AKT3: variants seen among roughly 807,000 people sequenced by gnomAD.
The protein encoded by AKT3 is AKT serine/threonine kinase 3.
Under a neutral mutation model 65.3 loss-of-function variants are expected in AKT3, and 15 were observed. The observed-to-expected ratio is 0.23, with a 90% CI of 0.15 to 0.35. The LOEUF is 0.35. Among genes scored for constraint, AKT3 ranks in the 10% least tolerant of loss-of-function variants. AKT3 has a pLI of 1.00. For synonymous variants in AKT3, 206 were observed against 183.8 expected (o/e 1.12, Z -0.98); for missense variants, 243 against 576.5 (o/e 0.42, Z 5.92).
chr1:243,847,630 C>G (rs1695574643), intron 1 of AKT3, among the ~76,000 whole-genome samples: 1 of 152,126 alleles, frequency 6.6e-6, no homozygotes, highest in African/African-American at 2.4e-5. Context: ...CCACAAGTCT[C>G]TATGCTAAGT....
upstream of AKT3, among the ~76,000 whole-genome samples, chr1:243,850,584 C>T (rs1695739748): frequency 1.3e-5 from 2 of 151,302 alleles, no homozygotes; most frequent in Admixed American, 1.3e-4. Context: ...GGGCCGCCGC[C>T]GATCGGTTCT....
intron 2 of AKT3, among the ~76,000 whole-genome samples, chr1:243,717,760 C>G (rs1204613538): frequency 6.6e-6 from 1 of 151,978 alleles, no homozygotes; most frequent in Non-Finnish European, 1.5e-5. Flanking sequence ...CTTTTAACAC[C>G]AAGATTCTAG....
chr1:243,700,770 G>T (rs527935933), intron 2 of AKT3, among the ~76,000 whole-genome samples: 57 of 152,254 alleles, frequency 3.7e-4, no homozygotes, highest in African/African-American at 1.3e-3. Context: ...CCAAAGTGGT[G>T]GGATTACAGG....
At chr1:243,805,943 T>G (rs1453833616) in intron 2 of AKT3, among the ~76,000 whole-genome samples, 1 of 152,198 alleles carries the variant, frequency 6.6e-6, no homozygotes, top group Non-Finnish European at 1.5e-5. Context: ...ATAACCATTT[T>G]CCTTCCCAAA....
chr1:243,689,560 T>G (rs974110091), intron 3 of AKT3, among the ~76,000 whole-genome samples: 1 of 151,428 alleles, frequency 6.6e-6, no homozygotes, highest in Non-Finnish European at 1.5e-5. Flanking sequence ...TCCTTCCACC[T>G]TAGCCACCCA....
intron 8 of AKT3, among the ~76,000 whole-genome samples, chr1:243,584,742 C>T: frequency 6.6e-6 from 1 of 152,044 alleles, no homozygotes; most frequent in Admixed American, 6.6e-5. Context: ...ATCAAAGGAA[C>T]ATACCTGAAA....
At chr1:243,647,703 A>G (rs1450131460) in intron 4 of AKT3, among the ~76,000 whole-genome samples, 2 of 152,188 alleles carry the variant, frequency 1.3e-5, no homozygotes, top group Non-Finnish European at 2.9e-5. Flanking sequence ...TGCAAACAAG[A>G]GCAGCTTTAC....
chr1:243,754,836 C>T (rs1689027209), intron 2 of AKT3, among the ~76,000 whole-genome samples: 1 of 152,166 alleles, frequency 6.6e-6, no homozygotes, highest in African/African-American at 2.4e-5. Context: ...CTGGAGACAG[C>T]TGACCTCACG....
At chr1:243,806,784 T>C (rs912684112) in intron 2 of AKT3, among the ~76,000 whole-genome samples, 14 of 152,208 alleles carry the variant, frequency 9.2e-5, no homozygotes, top group African/African-American at 3.1e-4. Context: ...AAGGAAAATA[T>C]GCATACATGG....
At position 243,844,647 on chromosome 1, in the gene AKT3, A is replaced by T. The variant is rs146921811; in HGVS notation, c.-112-1365T>A. The stretch of plus-strand genomic sequence containing the variant: ...GCATCACCATGCCTAGCTAATTTTT[A>T]AAAAAAATTTTTGTGGAGATGGGGT... On this transcript the variant is annotated intron_variant, in intron 1 of 13. Transcript: ENST00000673466. Among the ~76,000 whole-genome samples, 796 of 152,162 alleles carry T rather than the reference A, an allele frequency of 5.2e-3. 10 individuals carry two copies. Among genetic ancestry groups the T allele is most frequent in the African/African-American group, 0.018 (748 of 41,502 alleles).
intron 2 of AKT3, chr1:243,814,863 A>T (rs1040365245): frequency 6.6e-6 from 1 of 152,248 alleles, no homozygotes; most frequent in African/African-American, 2.4e-5. Context: ...ACTCCTGTTC[A>T]AACAAAGGAC....
intron 2 of AKT3, among the ~76,000 whole-genome samples, chr1:243,802,327 C>T (rs1415319947): frequency 6.6e-6 from 1 of 152,082 alleles, no homozygotes; most frequent in Non-Finnish European, 1.5e-5. Context: ...CAAACGAAAC[C>T]ATGACAGGCA....
intron 4 of AKT3, among the ~76,000 whole-genome samples, chr1:243,659,411 T>C (rs1048664468): frequency 6.6e-6 from 1 of 152,224 alleles, no homozygotes; most frequent in African/African-American, 2.4e-5. Context: ...TTTCACATTA[T>C]GTAATTTTTA....
At chr1:243,738,216 A>G (rs1687950917) in intron 2 of AKT3, among the ~76,000 whole-genome samples, 1 of 152,210 alleles carries the variant, frequency 6.6e-6, no homozygotes, top group Non-Finnish European at 1.5e-5. Context: ...GGCTTTGTCT[A>G]AATCCTAAAG....
intron 2 of AKT3, chr1:243,814,686 C>T (rs993590012): frequency 6.6e-6 from 1 of 152,220 alleles, no homozygotes; most frequent in African/African-American, 2.4e-5. Context: ...TATCAGCCTC[C>T]CAAATTCAAC....
At chr1:243,771,582 C>T (rs1558796244) in intron 2 of AKT3, among the ~76,000 whole-genome samples, 1 of 151,948 alleles carries the variant, frequency 6.6e-6, no homozygotes, top group East Asian at 1.9e-4. Context: ...TAGCTATCTG[C>T]AAAAAACAAA....
chr1:243,530,485 G>C (rs991287786), intron 12 of AKT3, among the ~76,000 whole-genome samples: 1 of 152,106 alleles, frequency 6.6e-6, no homozygotes, highest in South Asian at 2.1e-4. Context: ...TGAGAACAAA[G>C]ATACAACATA....
At chr1:243,757,910 G>C (rs1029013061) in intron 2 of AKT3, among the ~76,000 whole-genome samples, 1 of 151,878 alleles carries the variant, frequency 6.6e-6, no homozygotes, top group South Asian at 2.1e-4. Context: ...ACAGGTACAC[G>C]CCACCACATC....
chr1:243,618,053 T>C (rs1240132591), intron 6 of AKT3, among the ~76,000 whole-genome samples: 1 of 152,164 alleles, frequency 6.6e-6, no homozygotes, highest in Non-Finnish European at 1.5e-5. Flanking sequence ...AGAAAAGATA[T>C]TCTAGTGCTT....
Sources: gnomAD v4.1 joint callset for allele counts (sites outside exome capture counted in the v4.1 genomes callset) on GRCh38, gnomAD v4.1.1 for gene constraint, MANE v1.5 for transcripts, NCBI Gene and HGNC (gene_info 2026-07-23, HGNC 2026-07-21) for gene names.